MMS22L: variants seen among roughly 807,000 people sequenced by gnomAD.
MMS22L encodes the protein MMS22 like, DNA repair protein, also known as protein MMS22-like.
MMS22L carries 74 observed loss-of-function variants against 159.1 expected under a neutral mutation model. That is an observed-to-expected ratio of 0.47 (90% CI 0.39 to 0.56). The LOEUF (loss-of-function observed/expected upper bound fraction) is 0.56, where lower values mean the gene tolerates loss of function less well. MMS22L is among the 20% of genes least tolerant of loss of function. The pLI, the probability that MMS22L is intolerant of heterozygous loss-of-function variation, is 0.00. For missense variants in MMS22L, 1,351 were observed against 1,422.1 expected, an observed-to-expected ratio of 0.95 and a Z score of 0.80; for synonymous variants, 517 against 506.9, an observed-to-expected ratio of 1.02 and a Z score of -0.27.
At chr6:97,183,644 A>G (rs896538795) in intron 15 of MMS22L, among the ~76,000 whole-genome samples, 3 of 152,164 alleles carry the variant, frequency 2.0e-5, no homozygotes, top group Admixed American at 1.3e-4. Context: ...TACTTCACAG[A>G]GAAACAAGAA....
At chr6:97,151,948 AG>A (rs1325142775) in intron 22 of MMS22L, 81 bp from the exon 23 acceptor site, 7 of 1,011,444 alleles carry the variant, frequency 6.9e-6, no homozygotes, top group Non-Finnish European at 1.1e-5. Context: ...CTCTTGATTT[AG>A]AAAAATATGT....
chr6:97,179,658 T>C, intron 16 of MMS22L, 99 bp from the exon 17 acceptor site: 1 of 1,018,716 alleles, frequency 9.8e-7, no homozygotes, highest in Non-Finnish European at 1.3e-6. Flanking sequence ...CTGCAACTCC[T>C]TGGCCTCATT....
chr6:97,157,041 C>T (rs1183322191), intron 22 of MMS22L, among the ~76,000 whole-genome samples: 2 of 152,014 alleles, frequency 1.3e-5, no homozygotes, highest in African/African-American at 4.8e-5. Context: ...CCTTCACATC[C>T]CGTGTAAGTT....
chr6:97,280,760 A>G (rs1816688966), intron 3 of MMS22L, among the ~76,000 whole-genome samples: 1 of 152,206 alleles, frequency 6.6e-6, no homozygotes, highest in Non-Finnish European at 1.5e-5. Flanking sequence ...TGTAATAAAA[A>G]GTTGTTGTTT....
chr6:97,275,381 G>A (rs1816153688), intron 4 of MMS22L, among the ~76,000 whole-genome samples: 1 of 152,110 alleles, frequency 6.6e-6, no homozygotes, highest in Non-Finnish European at 1.5e-5. Context: ...ACAAAAATTA[G>A]CTAGGCATGG....
chr6:97,236,323 C>CAAAAAA (rs58792910), intron 11 of MMS22L, among the ~76,000 whole-genome samples: 2 of 94,578 alleles, frequency 2.1e-5, no homozygotes, highest in African/African-American at 7.5e-5. Context: ...ACTCTTTCTC[C>CAAAAAA]AAAAAAAAAA....
chr6:97,146,865 A>C lies in MMS22L; in HGVS notation c.3673T>G (p.Ser1225Ala), dbSNP rs1186586664. The change falls in exon 25 of 25, where the codon TCT becomes GCT. Residue 1225 changes from serine to alanine, a missense_variant. Ser to Ala is a moderately conservative substitution (Grantham distance 99). Coordinates refer to ENST00000683635, the MANE Select transcript of MMS22L (RefSeq NM_001350599.2). ...TCTTGTCCCATCTGTCCAAGGTGAG[A>C]CAAAAGTTTGCTATAGGCTTCCCTG... is the stretch of plus-strand genomic sequence containing the variant. The part of the protein sequence containing the change: ...AQREAYSKLL[S>A]HLGQMGQDEM... 1 of 1,558,382 alleles carries C rather than the reference A, an allele frequency of 6.4e-7. No individual in the cohort carries two copies. Among genetic ancestry groups the C allele is most frequent in the South Asian group, 1.2e-5 (1 of 81,860 alleles).
At chr6:97,255,416 T>C (rs1813694303) in intron 9 of MMS22L, among the ~76,000 whole-genome samples, 1 of 152,126 alleles carries the variant, frequency 6.6e-6, no homozygotes, top group African/African-American at 2.4e-5. Flanking sequence ...TTGGCCAATT[T>C]TAGGTATCAA....
At chr6:97,218,630 T>C (rs939517219) in intron 14 of MMS22L, among the ~76,000 whole-genome samples, 7 of 152,106 alleles carry the variant, frequency 4.6e-5, no homozygotes, top group African/African-American at 7.2e-5. Flanking sequence ...AGAAAATAAT[T>C]ACAACACAAG....
chr6:97,224,205 A>C (rs1445616619), intron 14 of MMS22L, among the ~76,000 whole-genome samples: 1 of 152,176 alleles, frequency 6.6e-6, no homozygotes, highest in African/African-American at 2.4e-5. Context: ...CAGTTACAAG[A>C]AACTCTTCCT....
intron 19 of MMS22L, among the ~76,000 whole-genome samples, chr6:97,169,809 T>C (rs1482357208): frequency 1.3e-5 from 2 of 152,156 alleles, no homozygotes; most frequent in African/African-American, 2.4e-5. Context: ...GAAATGATTC[T>C]TATTACTCTC....
chr6:97,178,057 C>T (rs565698319), intron 18 of MMS22L, among the ~76,000 whole-genome samples: 18 of 152,242 alleles, frequency 1.2e-4, no homozygotes, highest in Admixed American at 2.6e-4. Context: ...CTACACTGTT[C>T]GCTACAGGGT....
At chr6:97,222,793 G>A (rs977723060) in intron 14 of MMS22L, among the ~76,000 whole-genome samples, 6 of 152,102 alleles carry the variant, frequency 3.9e-5, no homozygotes, top group South Asian at 2.1e-4. Context: ...ATAAAACCCC[G>A]AAAATGGAGG....
intron 14 of MMS22L, among the ~76,000 whole-genome samples, chr6:97,188,576 G>A (rs1805500133): frequency 6.6e-6 from 1 of 152,160 alleles, no homozygotes; most frequent in African/African-American, 2.4e-5. Flanking sequence ...ACTTAAATCT[G>A]ACTCTGAAGC....
chr6:97,192,874 T>A (rs1172313365), intron 14 of MMS22L, among the ~76,000 whole-genome samples: 4 of 152,194 alleles, frequency 2.6e-5, no homozygotes, highest in African/African-American at 9.6e-5. Flanking sequence ...AGACAAGGAA[T>A]CTCAGTACAG....
Position 97,263,415 on chromosome 6 carries a change from A to G in MMS22L, c.862T>C (p.Cys288Arg), listed in dbSNP as rs759714573. ...AATTCTTTAATGCATAAACATGGAC[A>G]CTGGTCACTCATTAATGATTCAGAA... is the stretch of plus-strand genomic sequence containing the variant. ...RSSESLMSDQ[C>R]PCLCIKELWV... Residue 288 changes from cysteine (C) to arginine (R), a missense_variant, in exon 9 of 25, where the codon TGT becomes CGT. By Grantham distance (180) the Cys-to-Arg change is radical. Coordinates refer to ENST00000683635, the MANE Select transcript of MMS22L (RefSeq NM_001350599.2). 2.5e-6 allele frequency: 4 copies of G among 1,589,274 alleles called. No individual in the cohort carries two copies. Among genetic ancestry groups the G allele is most frequent in the Middle Eastern group, 1.7e-4 (1 of 5,994 alleles).
In MMS22L at chr6:97,144,036, T is replaced by A. The variant is rs1052871127; in HGVS notation, c.*2770A>T. On this transcript the variant is annotated 3_prime_UTR_variant, in exon 25 of 25. Coordinates refer to ENST00000683635, the MANE Select transcript of MMS22L (RefSeq NM_001350599.2). ...AGGCAGAGCTTGCAGTGAGCCGAGATCGTGCCACTGCACTCCAGCCTGGGC... is the reference window on the plus strand; with the variant it reads ...AGGCAGAGCTTGCAGTGAGCCGAGAACGTGCCACTGCACTCCAGCCTGGGC... 1 of 142,242 alleles carries A rather than the reference T, an allele frequency of 7.0e-6. No individual in the cohort carries two copies. Among genetic ancestry groups the A allele is most frequent in the East Asian group, 2.1e-4 (1 of 4,874 alleles). 8.8% of individuals were successfully genotyped at this position (142,242 alleles called of 1,614,324 possible).
At chr6:97,268,584 AAAAG>A (rs1044311033) in intron 7 of MMS22L, among the ~76,000 whole-genome samples, 1 of 152,184 alleles carries the variant, frequency 6.6e-6, no homozygotes. Flanking sequence ...ACTTAAAAAA[AAAAG>A]AGAGAGAACA....
At chr6:97,258,128 A>G (rs925030234) in intron 9 of MMS22L, among the ~76,000 whole-genome samples, 5 of 152,210 alleles carry the variant, frequency 3.3e-5, no homozygotes, top group African/African-American at 1.2e-4. Flanking sequence ...GCTCAACAGC[A>G]ATGGAGGCCA....
Sources: allele counts gnomAD v4.1 joint callset (sites outside exome capture counted in the v4.1 genomes callset), GRCh38; gene constraint gnomAD v4.1.1; transcripts MANE v1.5; gene names NCBI Gene and HGNC (gene_info 2026-07-23, HGNC 2026-07-21).